The following USP40 variants were observed in gnomAD, a reference collection of about 807,000 sequenced individuals.
The protein encoded by USP40 is ubiquitin carboxyl-terminal hydrolase 40.
A neutral mutation model predicts 166.2 loss-of-function variants in USP40; 143 were observed. The observed-to-expected ratio is 0.86, with a 90% CI of 0.75 to 0.99. The LOEUF (loss-of-function observed/expected upper bound fraction) is 0.99. Among genes scored for constraint, USP40 ranks in the 50% least tolerant of loss-of-function variants. The pLI, the probability that USP40 is intolerant of heterozygous loss-of-function variation, is 0.00. For synonymous variants in USP40, 498 were observed against 524.0 expected, an observed-to-expected ratio of 0.95 and a Z score of 0.68; for missense variants, 1,444 against 1,479.7, an observed-to-expected ratio of 0.98 and a Z score of 0.40.
In USP40 at chr2:233,493,471, G is replaced by C; in HGVS notation, c.2871C>G (p.Asn957Lys). 1 of 1,613,966 alleles carries C rather than the reference G, an allele frequency of 6.2e-7. No homozygotes were observed. The highest frequency in any genetic ancestry group is 1.6e-4 in the Middle Eastern group (1 of 6,062). Residue 957 changes from asparagine to lysine, a missense_variant, in exon 25 of 32, where the codon AAC becomes AAG. Coordinates refer to ENST00000678225, the MANE Select transcript of USP40 (RefSeq NM_001365479.2). This position sits in a 1 kb window ranked among gnomAD's most constrained non-coding sequence, Gnocchi z 4.7. ...AAACTCTGCCCCAAGACGAAGTACA[G>C]TTGGTCTGGTCCTGATGACTCTCCC... ...GHWESHQDQT[N>K]CTSSWGRVWR...
At chr2:233,532,502 T>C (rs1458561538) in intron 11 of USP40, among the ~76,000 whole-genome samples, 1 of 152,228 alleles carries the variant, frequency 6.6e-6, no homozygotes, top group Non-Finnish European at 1.5e-5. Context: ...GAGAAGATTC[T>C]GTATCTGGGC....
At chr2:233,538,347 T>C (rs2069092532) in intron 10 of USP40, among the ~76,000 whole-genome samples, 1 of 152,192 alleles carries the variant, frequency 6.6e-6, no homozygotes, top group South Asian at 2.1e-4. Context: ...TCAAACTCTC[T>C]GTCATTTGAC....
chr2:233,506,133 C>G (rs774213620), intron 21 of USP40, among the ~76,000 whole-genome samples: 2 of 152,152 alleles, frequency 1.3e-5, no homozygotes, highest in Non-Finnish European at 2.9e-5. Context: ...CAGCAGGGTA[C>G]TGGCAAAAAG....
intron 2 of USP40, 141 bp downstream of exon 2, chr2:233,565,215 T>A (rs2072031102): frequency 1.5e-6 from 1 of 681,314 alleles, no homozygotes. Flanking sequence ...AATTACCAAT[T>A]TATATCTTAT....
Position 233,554,595 on chromosome 2 carries a change from T to A in USP40, c.547-69A>T, listed in dbSNP as rs534151144. 4 of 1,260,010 alleles carry A rather than the reference T, an allele frequency of 3.2e-6. No homozygotes were observed. The African/African-American group carries it at 6.1e-5, about 19-fold the overall frequency. 78.1% of individuals were successfully genotyped at this position (1,260,010 alleles called of 1,614,324 possible). On this transcript the variant is annotated intron_variant, in intron 5 of 31. Coordinates refer to ENST00000678225, the MANE Select transcript of USP40 (RefSeq NM_001365479.2). ...TTTACAAACACATCATCAACTCACA[T>A]ATATATTGGGAATAATCAGATATAT...
In USP40 at chr2:233,521,133, G is replaced by C. The variant is rs2067621977; in HGVS notation, c.2202-19C>G. ...CAACAAGCTGTAGGTAAAAAGAAAA[G>C]ATCAGAAATTAATACCTTTCCTTAG... On this transcript the variant is annotated intron_variant, in intron 16 of 31. Coordinates refer to ENST00000678225, the MANE Select transcript of USP40 (RefSeq NM_001365479.2). The C allele has an allele frequency of 6.2e-7, 1 of 1,603,154 alleles. No homozygotes were observed. Among genetic ancestry groups the C allele is most frequent in the Non-Finnish European group, 8.5e-7 (1 of 1,175,536 alleles).
chr2:233,477,302 C>T lies in USP40; in HGVS notation c.*90G>A, dbSNP rs752428095. 45 of 1,208,068 alleles carry T rather than the reference C, an allele frequency of 3.7e-5. No individual in the cohort carries two copies. The highest frequency in any genetic ancestry group is 2.2e-4 in the Admixed American group (11 of 50,902). 74.8% of individuals were successfully genotyped at this position (1,208,068 alleles called of 1,614,324 possible). On this transcript the variant is annotated 3_prime_UTR_variant, in exon 32 of 32. Transcript: ENST00000678225. ...GAAGCAGAGGATTTGGGATTGGAGG[C>T]GCCAGGCAGCCAGTCCCCATGCCCA...
At chr2:233,479,628 CGT>C (rs72454809) in intron 31 of USP40, among the ~76,000 whole-genome samples, 4,310 of 145,152 alleles carry the variant, frequency 0.03, 91 homozygotes, top group African/African-American at 0.059. Context: ...TAGAATTTTA[CGT>C]GTGTGTGTGT....
At chr2:233,508,614 C>A (rs76419113) in intron 21 of USP40, among the ~76,000 whole-genome samples, 3,490 of 152,128 alleles carry the variant, frequency 0.023, 109 homozygotes, top group East Asian at 0.084. Flanking sequence ...TTTGAGGATC[C>A]TTGCCTAGGT....
chr2:233,555,636 C>CT (rs1232616788), intron 5 of USP40, among the ~76,000 whole-genome samples: 6,504 of 128,960 alleles, frequency 0.05, 648 homozygotes, highest in African/African-American at 0.17. Context: ...AAAAATCACT[C>CT]TTTTTTTTTT....
chr2:233,490,104 A>G (rs1031846240), intron 26 of USP40, among the ~76,000 whole-genome samples: 18 of 152,184 alleles, frequency 1.2e-4, no homozygotes, highest in African/African-American at 4.3e-4. Context: ...TGAGAAAAAA[A>G]AAGTATTTTC....
chr2:233,554,490 C>T lies in USP40; in HGVS notation c.583G>A (p.Val195Ile), dbSNP rs200624947. Residue 195 changes from valine to isoleucine, a missense_variant, in exon 6 of 32, where the codon GTA becomes ATA. Val to Ile is a conservative substitution (Grantham distance 29, BLOSUM62 3). Coordinates refer to ENST00000678225, the MANE Select transcript of USP40 (RefSeq NM_001365479.2). Reference sequence around the variant, plus strand: ...CAGAGAGCATCTTCCAAACCGGATACATTTTTGACTGCTACTGTTAGATCT... The same window carrying T: ...CAGAGAGCATCTTCCAAACCGGATATATTTTTGACTGCTACTGTTAGATCT... ...FLDLTVAVKN[V>I]SGLEDALWNM... 1.2e-6 allele frequency: 2 copies of T among 1,611,754 alleles called. No homozygotes were observed. Among genetic ancestry groups the T allele is most frequent in the East Asian group, 2.2e-5 (1 of 44,720 alleles).
At chr2:233,503,775 C>A (rs1008438836) in intron 21 of USP40, among the ~76,000 whole-genome samples, 4 of 152,082 alleles carry the variant, frequency 2.6e-5, no homozygotes, top group African/African-American at 9.7e-5. Flanking sequence ...CTTAAGGGAG[C>A]ACTACAACTG....
intron 11 of USP40, among the ~76,000 whole-genome samples, chr2:233,532,314 T>C (rs1467476132): frequency 6.6e-6 from 1 of 152,222 alleles, no homozygotes; most frequent in African/African-American, 2.4e-5. Context: ...TAGCCTCTGA[T>C]TGGTTGCTTT....
intron 25 of USP40, chr2:233,492,991 GT>G (rs2065444970): frequency 2.1e-5 from 4 of 193,202 alleles, no homozygotes; most frequent in Admixed American, 1.1e-4. Flanking sequence ...CCTAGAAGCA[GT>G]TCCTGAGGGT....
chr2:233,541,043 C>T (rs915920872), intron 9 of USP40, among the ~76,000 whole-genome samples: 43 of 152,134 alleles, frequency 2.8e-4, no homozygotes, highest in Non-Finnish European at 7.4e-5. Context: ...AAATTCCCAA[C>T]ATTAAAAAGG....
At chr2:233,503,930 A>G (rs2066244987) in intron 21 of USP40, among the ~76,000 whole-genome samples, 1 of 152,190 alleles carries the variant, frequency 6.6e-6, no homozygotes, top group African/African-American at 2.4e-5. Flanking sequence ...ATGAAGGTTT[A>G]AAGTCAAAAT....
intron 4 of USP40, among the ~76,000 whole-genome samples, chr2:233,558,393 T>C (rs1411306211): frequency 6.9e-6 from 1 of 145,380 alleles, no homozygotes; most frequent in Non-Finnish European, 1.5e-5. Flanking sequence ...ACAAAAAACA[T>C]GTGGCATATC....
chr2:233,509,052 T>A (rs1445827539), intron 21 of USP40, among the ~76,000 whole-genome samples: 1 of 152,294 alleles, frequency 6.6e-6, no homozygotes, highest in East Asian at 1.9e-4. Flanking sequence ...AACCAGCCAT[T>A]ATTCTAAGAT....
Sources: allele counts gnomAD v4.1 joint callset (sites outside exome capture counted in the v4.1 genomes callset), GRCh38; gene constraint gnomAD v4.1.1; non-coding constraint Gnocchi (gnomAD v3.1); transcripts MANE v1.5; gene names NCBI Gene and HGNC (gene_info 2026-07-23, HGNC 2026-07-21).